CSMD2: variants seen among roughly 807,000 people sequenced by gnomAD.
The protein encoded by CSMD2 is CUB and sushi domain-containing protein 2.
CSMD2 carries 130 observed loss-of-function variants against 398.5 expected under a neutral mutation model. The observed-to-expected ratio is 0.33, with a 90% CI of 0.28 to 0.38. The LOEUF is 0.38. Ranked by LOEUF, CSMD2 falls within the 10% of genes least tolerant of loss-of-function variation. The pLI is 1.00. For synonymous variants in CSMD2, 1,828 were observed against 1,908.5 expected (o/e 0.96, Z 1.10); for missense variants, 3,829 against 4,764.9 (o/e 0.80, Z 5.78).
intron 6 of CSMD2, among the ~76,000 whole-genome samples, chr1:33,831,720 T>C (rs904241332): frequency 5.3e-5 from 8 of 152,120 alleles, no homozygotes; most frequent in Non-Finnish European, 7.3e-5. Context: ...GACTGGTAAA[T>C]TGGATAAAGA....
rs1653942886 is a variant in CSMD2 at position 33,518,314 on chromosome 1, G to A, written c.*53+1151C>T. Among the ~76,000 whole-genome samples the A allele has an allele frequency of 6.6e-6, 1 of 152,230 alleles. No homozygotes were observed. Among genetic ancestry groups the A allele is most frequent in the African/African-American group, 2.4e-5 (1 of 41,464 alleles). ...CATCGAAGGAGGACACAGTGAGGAA[G>A]AGGCAGTGCCTTTTAGATTCATCAG... On this transcript the variant is annotated intron_variant, in intron 70 of 70. Coordinates refer to ENST00000373381, the MANE Select transcript of CSMD2 (RefSeq NM_001281956.2). The surrounding 1 kb of genome is among the most constrained non-coding windows in gnomAD (Gnocchi z 4.3).
intron 5 of CSMD2, among the ~76,000 whole-genome samples, chr1:33,872,844 C>A (rs1640569158): frequency 6.6e-6 from 1 of 152,172 alleles, no homozygotes; most frequent in African/African-American, 2.4e-5. Context: ...AGGGAAGAAC[C>A]AAGAGCTTAG....
intron 1 of CSMD2, among the ~76,000 whole-genome samples, chr1:34,128,010 C>T (rs1558430416): frequency 6.6e-6 from 1 of 152,046 alleles, no homozygotes; most frequent in Non-Finnish European, 1.5e-5. Flanking sequence ...CTCCATTTGC[C>T]CCTTGGCTGC....
rs116405669 is a variant in CSMD2, at chr1:33,636,174, A to C, written c.4969+186T>G. Among the ~76,000 whole-genome samples the C allele has an allele frequency of 5.1e-3, 769 of 152,226 alleles. 6 individuals carry two copies. The highest frequency in any genetic ancestry group is 0.017 in the African/African-American group (725 of 41,516). ...CATGGGTTCTGAGATGATACCTTGA[A>C]AGGAACTGCACACCTAGTGAATTAT... On this transcript the variant is annotated intron_variant, in intron 30 of 70. Transcript: ENST00000373381. This position sits in a 1 kb window ranked among gnomAD's most constrained non-coding sequence, Gnocchi z 4.8.
chr1:33,875,928 G>T (rs1426537343), intron 5 of CSMD2, among the ~76,000 whole-genome samples: 1 of 152,146 alleles, frequency 6.6e-6, no homozygotes, highest in Non-Finnish European at 1.5e-5. Context: ...GAGTGGTTTT[G>T]TCCGGCATTG....
intron 3 of CSMD2, among the ~76,000 whole-genome samples, chr1:33,963,161 C>T (rs1237667820): frequency 1.3e-5 from 2 of 152,232 alleles, no homozygotes; most frequent in Non-Finnish European, 2.9e-5. Context: ...ACACCATTCT[C>T]CTCTCAAAGC....
At chr1:33,625,976 A>ATCAGTG (rs1642101141) in intron 33 of CSMD2, among the ~76,000 whole-genome samples, 1 of 152,212 alleles carries the variant, frequency 6.6e-6, no homozygotes, top group South Asian at 2.1e-4. Flanking sequence ...TTTGCATCCT[A>ATCAGTG]TCAGTGAGGC....
chr1:33,758,760 C>T (rs1388304455), intron 13 of CSMD2, among the ~76,000 whole-genome samples: 1 of 152,120 alleles, frequency 6.6e-6, no homozygotes. Context: ...TTACTTTAGC[C>T]CACGGAATTG....
At chr1:33,850,476 C>G (rs1570262564) in intron 5 of CSMD2, among the ~76,000 whole-genome samples, 1 of 152,340 alleles carries the variant, frequency 6.6e-6, no homozygotes, top group East Asian at 1.9e-4. Context: ...ATTACACTCA[C>G]ATGTACATGC....
intron 12 of CSMD2, among the ~76,000 whole-genome samples, chr1:33,775,315 T>G (rs951665010): frequency 1.3e-5 from 2 of 152,218 alleles, no homozygotes; most frequent in Admixed American, 1.3e-4. Context: ...AGCCTGTCTT[T>G]GATTCAAATG....
chr1:34,146,768 G>A (rs1238183859), intron 1 of CSMD2, among the ~76,000 whole-genome samples: 1 of 152,158 alleles, frequency 6.6e-6, no homozygotes, highest in East Asian at 1.9e-4. Flanking sequence ...CATAGAGGTG[G>A]GCCACAAAAG....
At chr1:34,029,803 G>C (rs1650179923) in intron 3 of CSMD2, among the ~76,000 whole-genome samples, 1 of 152,200 alleles carries the variant, frequency 6.6e-6, no homozygotes, top group Non-Finnish European at 1.5e-5. Flanking sequence ...CCTTTGCAGG[G>C]GCCTTGCCTA....
At chr1:33,773,981 G>C (rs935793150) in intron 12 of CSMD2, among the ~76,000 whole-genome samples, 2 of 152,118 alleles carry the variant, frequency 1.3e-5, no homozygotes, top group African/African-American at 4.8e-5. Context: ...GGCTTCTGTG[G>C]GCTGGGCAGC....
chr1:33,635,076 G>A lies in CSMD2; in HGVS notation c.5086+138C>T. The A allele has an allele frequency of 3.3e-6, 2 of 610,008 alleles. No homozygotes were observed. Among genetic ancestry groups the A allele is most frequent in the South Asian group, 1.8e-5 (1 of 54,736 alleles). The allele number at this position is 610,008 out of a possible 1,614,324, so 37.8% of individuals were successfully genotyped here. A position where few individuals can be genotyped will look rare whatever the true frequency, so the allele number is the denominator to read the frequency against. On this transcript the variant is annotated intron_variant, in intron 31 of 70. Coordinates refer to ENST00000373381, the MANE Select transcript of CSMD2 (RefSeq NM_001281956.2). The surrounding 1 kb of genome is among the most constrained non-coding windows in gnomAD (Gnocchi z 5.0). ...CCCGTTTGAGAAACGTCAGCACTCG[G>A]CCGTCCTTTTGGGGAGACTGTTCTG...
intron 3 of CSMD2, among the ~76,000 whole-genome samples, chr1:33,957,176 C>G (rs513336): frequency 0.065 from 9,946 of 152,092 alleles, 774 homozygotes; most frequent in African/African-American, 0.19. Context: ...GTCTTTCCCC[C>G]CTTTGTTTAC....
chr1:33,600,895 T>C lies in CSMD2; in HGVS notation c.6826A>G (p.Thr2276Ala), dbSNP rs767222756. ...VLLKFHRDAA[T>A]GGIFAIAFSA... ...AAAGCTATGGCGAAGATCCCCCCTGTGGCTGCATCACGGTGGAACTTGAGC... is the reference window on the plus strand; with the variant it reads ...AAAGCTATGGCGAAGATCCCCCCTGCGGCTGCATCACGGTGGAACTTGAGC... Residue 2276 changes from threonine (T) to alanine (A), a missense_variant, in exon 44 of 71, where the codon ACA (threonine) becomes GCA (alanine). Around this residue, in one of 5 missense-constraint regions of CSMD2, gnomAD observed 723 missense variants for 758.6 expected, o/e 0.95. Coordinates refer to ENST00000373381, the MANE Select transcript of CSMD2 (RefSeq NM_001281956.2). 6.2e-7 allele frequency: 1 copy of C among 1,614,124 alleles called. No individual in the cohort carries two copies. Among genetic ancestry groups the C allele is most frequent in the East Asian group, 2.2e-5 (1 of 44,878 alleles).
chr1:33,736,616 C>T (rs1646895565), intron 15 of CSMD2, among the ~76,000 whole-genome samples: 1 of 152,144 alleles, frequency 6.6e-6, no homozygotes, highest in South Asian at 2.1e-4. Context: ...AGGAGGGTGG[C>T]AGGTGGAGAG....
chr1:33,545,980 C>A lies in CSMD2; in HGVS notation c.9100+57G>T, dbSNP rs1418554703. ...AGGTGCCTGGGAATAAGAGCAGGAG[C>A]AGGGGCGAGCTCTGGGGCTGGGCAA... On this transcript the variant is annotated intron_variant, in intron 57 of 70. Transcript: ENST00000373381. The A allele has an allele frequency of 2.6e-6, 4 of 1,529,134 alleles. No individual in the cohort carries two copies. In the Admixed American group the frequency reaches 5.3e-5, roughly 20 times the overall value. The allele number at this position is 1,529,134 out of a possible 1,614,324, so 94.7% of individuals were successfully genotyped here.
At chr1:33,687,329 A>G (rs1645092383) in intron 25 of CSMD2, among the ~76,000 whole-genome samples, 1 of 152,230 alleles carries the variant, frequency 6.6e-6, no homozygotes, top group South Asian at 2.1e-4. Flanking sequence ...GATAAAAACA[A>G]AAGTAGGCTG....
Sources: gnomAD v4.1 joint callset for allele counts (sites outside exome capture counted in the v4.1 genomes callset) on GRCh38, gnomAD v4.1.1 for gene constraint, gnomAD v4.1.1 regional missense constraint, Gnocchi (gnomAD v3.1) non-coding constraint, MANE v1.5 for transcripts, NCBI Gene and HGNC (gene_info 2026-07-23, HGNC 2026-07-21) for gene names.